LGR4: variants seen among roughly 807,000 people sequenced by gnomAD.
The protein encoded by LGR4 is leucine rich repeat containing G protein-coupled receptor 4.
In LGR4, 44 loss-of-function variants were observed where a neutral mutation model predicts 84.8. The observed-to-expected ratio is 0.52, with a 90% confidence interval of 0.41 to 0.67. LGR4 has a LOEUF of 0.67. LGR4 is among the 30% of genes least tolerant of loss of function. The pLI is 0.00. For synonymous variants in LGR4, 429 were observed against 434.3 expected (o/e 0.99, Z 0.15); for missense variants, 1,032 against 1,131.4 (o/e 0.91, Z 1.26).
At chr11:27,414,450 GAACCAACATT>G (rs768458520) in intron 1 of LGR4, among the ~76,000 whole-genome samples, 27 of 151,514 alleles carry the variant, frequency 1.8e-4, no homozygotes, top group Non-Finnish European at 3.2e-4. Flanking sequence ...AGCAATTAAG[GAACCAACATT>G]AACCAACATT....
intron 4 of LGR4, among the ~76,000 whole-genome samples, chr11:27,389,575 T>C (rs1863244336): frequency 6.6e-6 from 1 of 152,142 alleles, no homozygotes; most frequent in Non-Finnish European, 1.5e-5. Flanking sequence ...CAGTTGAAAA[T>C]GAGATTTTAG....
At chr11:27,441,897 A>C (rs1864310137) in intron 1 of LGR4, among the ~76,000 whole-genome samples, 1 of 152,182 alleles carries the variant, frequency 6.6e-6, no homozygotes, top group South Asian at 2.1e-4. Context: ...CCTCCTTTAA[A>C]GGGGACCAAC....
rs1863737578 is a variant in LGR4 at position 27,412,865 on chromosome 11, A to C, written c.186-5T>G. 4 of 1,583,292 alleles carry C rather than the reference A, an allele frequency of 2.5e-6. No homozygotes were observed. Among genetic ancestry groups the C allele is most frequent in the Non-Finnish European group, 3.5e-6 (4 of 1,153,052 alleles). On this transcript the variant is annotated splice_polypyrimidine_tract_variant and splice_region_variant and intron_variant, in intron 1 of 17. Transcript: ENST00000379214. ...ATGTTGTTCATACTGATATCCCTGG[A>C]AAACGTAAAGTTAAGAATATTGTTA...
Position 27,376,286 on chromosome 11 carries a change from T to C in LGR4, c.1181+13A>G, listed in dbSNP as rs376791174. The C allele has an allele frequency of 4.5e-5, 67 of 1,492,480 alleles. No homozygotes were observed. The African/African-American group carries it at 8.0e-4, about 18-fold the overall frequency. The allele number at this position is 1,492,480 out of a possible 1,614,324, so 92.5% of individuals were successfully genotyped here. ...AAAAATTTATTGTCTTTAATAATCATAGACAAACTTACAGAATCCTTAGAG... is the reference window on the plus strand; with the variant it reads ...AAAAATTTATTGTCTTTAATAATCACAGACAAACTTACAGAATCCTTAGAG... On this transcript the variant is annotated intron_variant, in intron 13 of 17. Coordinates refer to ENST00000379214, the MANE Select transcript of LGR4 (RefSeq NM_018490.5).
chr11:27,398,127 A>G (rs1863425830), intron 2 of LGR4, among the ~76,000 whole-genome samples: 2 of 152,206 alleles, frequency 1.3e-5, no homozygotes, highest in African/African-American at 4.8e-5. Context: ...AGAATTTTCA[A>G]TAATATCCTT....
In LGR4 at chr11:27,385,353, G is replaced by A. The variant is rs371279462; in HGVS notation, c.517C>T (p.Leu173Phe). 7 of 1,612,006 alleles carry A rather than the reference G, an allele frequency of 4.3e-6. No homozygotes were observed. The highest frequency in any genetic ancestry group is 1.7e-5 in the Admixed American group (1 of 59,558). The change falls in exon 5 of 18, where the codon CTC (leucine) becomes TTC (phenylalanine). Residue 173 changes from leucine (L) to phenylalanine (F), a missense_variant. By Grantham distance (22) the Leu-to-Phe change is conservative (BLOSUM62 0). Coordinates refer to ENST00000379214, the MANE Select transcript of LGR4 (RefSeq NM_018490.5). Reference protein sequence around the residue: ...NSLTEVPVHPLSNLPTLQALT... With the variant: ...NSLTEVPVHPFSNLPTLQALT... ...GCCTGTAGGGTGGGCAGATTGCTGA[G>A]GGGGTGCACAGGCACCTCCGTCAAG...
intron 2 of LGR4, among the ~76,000 whole-genome samples, chr11:27,401,310 C>CT (rs1340951448): frequency 6.6e-6 from 1 of 152,170 alleles, no homozygotes; most frequent in Non-Finnish European, 1.5e-5. Context: ...TTCACGGAAA[C>CT]TTTAAGTTCC....
At position 27,380,803 on chromosome 11, in the gene LGR4, C is replaced by T. The variant is rs1863078056; in HGVS notation, c.830+92G>A. 2.6e-6 allele frequency: 3 copies of T among 1,175,954 alleles called. No homozygotes were observed. In the Admixed American group the frequency reaches 5.3e-5, roughly 21 times the overall value. 72.8% of individuals were successfully genotyped at this position (1,175,954 alleles called of 1,614,324 possible). A position where few individuals can be genotyped will look rare whatever the true frequency, so the allele number is the denominator to read the frequency against. ...TTCACAATGTACATATATCTAAAAT[C>T]CTGACTTCTCATTCTTTATCAGGGT... On this transcript the variant is annotated intron_variant, in intron 8 of 17. Transcript: ENST00000379214.
At chr11:27,470,311 C>T (rs1379752061) in intron 1 of LGR4, among the ~76,000 whole-genome samples, 1 of 152,116 alleles carries the variant, frequency 6.6e-6, no homozygotes, top group African/African-American at 2.4e-5. Flanking sequence ...GGAGTATGCT[C>T]TCATAAAAGT....
rs958325702 is a variant in LGR4 at position 27,389,640 on chromosome 11, A to G, written c.401+1454T>C. ...AAAATAATTGAGTATTTTGATTATT[A>G]AATCTTACAAAATGACAATTCAATA... On this transcript the variant is annotated intron_variant, in intron 4 of 17. Coordinates refer to ENST00000379214, the MANE Select transcript of LGR4 (RefSeq NM_018490.5). 6.6e-5 allele frequency among the ~76,000 whole-genome samples: 10 copies of G among 152,152 alleles called. 1 individual carries two copies. The highest frequency in any genetic ancestry group is 1.5e-4 in the Non-Finnish European group (10 of 68,012).
intron 1 of LGR4, among the ~76,000 whole-genome samples, chr11:27,458,342 G>C (rs1024182621): frequency 6.6e-6 from 1 of 152,094 alleles, no homozygotes; most frequent in Non-Finnish European, 1.5e-5. Flanking sequence ...GAGGTGAAGA[G>C]AGGAGATAAC....
At chr11:27,454,635 C>T (rs1864540660) in intron 1 of LGR4, among the ~76,000 whole-genome samples, 1 of 151,954 alleles carries the variant, frequency 6.6e-6, no homozygotes, top group Admixed American at 6.6e-5. Context: ...GTGGCATGCA[C>T]CTGTAATCCC....
chr11:27,380,864 T>C (rs371094633), intron 8 of LGR4, 31 bp downstream of exon 8: 49 of 1,352,128 alleles, frequency 3.6e-5, no homozygotes, highest in African/African-American at 1.7e-4. Flanking sequence ...CACATAATTA[T>C]ACATTAAAAG....
rs752281610 is a variant in LGR4 at position 27,367,937 on chromosome 11, G to T, written c.2786C>A (p.Ala929Asp). ...GAATCCTCTACTCTGGTAGAAGCAG[G>T]CTCGTCCACAGGCCTGCACCTGGTC... ...SSDQVQACGR[A>D]CFYQSRGFPL... The change falls in exon 18 of 18, where the codon GCC (alanine) becomes GAC (aspartate). Residue 929 changes from alanine (A) to aspartate (D), a missense_variant. Physicochemically the swap from Ala to Asp is moderately radical, Grantham distance 126. Transcript: ENST00000379214. The T allele has an allele frequency of 6.2e-7, 1 of 1,613,288 alleles. No homozygotes were observed. Among genetic ancestry groups the T allele is most frequent in the African/African-American group, 1.3e-5 (1 of 74,974 alleles).
intron 1 of LGR4, among the ~76,000 whole-genome samples, chr11:27,457,089 A>G (rs1313459925): frequency 6.6e-6 from 1 of 152,152 alleles, no homozygotes; most frequent in Non-Finnish European, 1.5e-5. Context: ...TTCACAAACT[A>G]CCACCCACTA....
chr11:27,414,399 A>C (rs1425486488), intron 1 of LGR4, among the ~76,000 whole-genome samples: 2 of 151,682 alleles, frequency 1.3e-5, no homozygotes, highest in South Asian at 4.1e-4. Flanking sequence ...CGGGGTTTAA[A>C]AAAAAAAAGA....
intron 1 of LGR4, among the ~76,000 whole-genome samples, chr11:27,437,329 G>A (rs1027255729): frequency 1.7e-4 from 26 of 151,944 alleles, no homozygotes; most frequent in Non-Finnish European, 3.5e-4. Flanking sequence ...GTTTTGAAAA[G>A]AAATTATAAT....
intron 1 of LGR4, among the ~76,000 whole-genome samples, chr11:27,437,851 A>C (rs1263461341): frequency 6.6e-6 from 1 of 152,100 alleles, no homozygotes; most frequent in Non-Finnish European, 1.5e-5. Flanking sequence ...AAAAGATTAA[A>C]AAATACAGCC....
chr11:27,467,211 A>G (rs1410391561), intron 1 of LGR4, among the ~76,000 whole-genome samples: 1 of 152,146 alleles, frequency 6.6e-6, no homozygotes, highest in East Asian at 1.9e-4. Flanking sequence ...TTGGTGAGAG[A>G]TTCTACAGTT....
Sources: gnomAD v4.1 joint callset for allele counts (sites outside exome capture counted in the v4.1 genomes callset) on GRCh38, gnomAD v4.1.1 for gene constraint, MANE v1.5 for transcripts, NCBI Gene and HGNC (gene_info 2026-07-23, HGNC 2026-07-21) for gene names.